The following TK1 variants were observed in gnomAD, a reference collection of about 807,000 sequenced individuals.
The protein encoded by TK1 is thymidine kinase 1.
Under a neutral mutation model 22.4 loss-of-function variants are expected in TK1, and 13 were observed. That is an observed-to-expected ratio of 0.58 (90% CI 0.38 to 0.92). The LOEUF (loss-of-function observed/expected upper bound fraction) is 0.92, where lower values mean the gene tolerates loss of function less well. TK1 is among the 40% of genes least tolerant of loss of function. The pLI is 0.00. For missense variants in TK1, 251 were observed against 315.7 expected, an observed-to-expected ratio of 0.80 and a Z score of 1.55; for synonymous variants, 134 against 125.4, an observed-to-expected ratio of 1.07 and a Z score of -0.46.
At position 78,181,770 on chromosome 17, in the gene TK1, T is replaced by G. The variant is rs115643409; in HGVS notation, c.303+819A>C. Among the ~76,000 whole-genome samples, 910 of 152,170 alleles carry G rather than the reference T, an allele frequency of 6.0e-3. 11 individuals carry two copies. Among genetic ancestry groups the G allele is most frequent in the African/African-American group, 0.021 (854 of 41,524 alleles). ...AACATTACTCCCCACCTCCCCCTTT[T>G]TTTTTTGAGACAGGGTCTGGCCTTG... On this transcript the variant is annotated intron_variant, in intron 4 of 6. Transcript: ENST00000301634.
intron 4 of TK1, chr17:78,179,073 G>A (rs1195514146): frequency 1.1e-5 from 9 of 786,780 alleles, no homozygotes; most frequent in Non-Finnish European, 1.4e-5. Flanking sequence ...TGTCGAGGAA[G>A]GAGAAGGGAA....
chr17:78,186,929 C>A lies in TK1; in HGVS notation c.66G>T (p.Gln22His). 1 of 1,569,126 alleles carries A rather than the reference C, an allele frequency of 6.4e-7. No individual in the cohort carries two copies. The highest frequency in any genetic ancestry group is 8.6e-7 in the Non-Finnish European group (1 of 1,157,420). Residue 22 changes from glutamine to histidine, a missense_variant and splice_region_variant, in exon 1 of 7, where the codon CAG becomes CAT. Coordinates refer to ENST00000301634, the MANE Select transcript of TK1 (RefSeq NM_003258.5). Reference protein sequence around the residue: ...GSPSKTRGQIQVILGPMFSGK... With the variant: ...GSPSKTRGQIHVILGPMFSGK... ...CCACGCGCAGGGCTGGCCCCCGCAC[C>A]TGGATCTGCCCCCGGGTCTTGCTGG...
At chr17:78,182,788 G>C in intron 3 of TK1, 106 bp from the exon 4 acceptor site, 1 of 764,366 alleles carries the variant, frequency 1.3e-6, no homozygotes, top group Non-Finnish European at 1.9e-6. Flanking sequence ...TGCAAAGCAG[G>C]CTCAGTGTTC....
rs903142217 is a variant in TK1, at chr17:78,186,629, G to A, written c.98+158C>T. ...AATTCAAGGGAGGAGCACCCCAGGC[G>A]GGAGCTGTAGGAGGCTGTGCTGGTC... is the stretch of plus-strand genomic sequence containing the variant. On this transcript the variant is annotated intron_variant, in intron 2 of 6. Transcript: ENST00000301634. Among the ~76,000 whole-genome samples, 6 of 149,628 alleles carry A rather than the reference G, an allele frequency of 4.0e-5. No individual in the cohort carries two copies. In the Middle Eastern group the frequency reaches 0.01, roughly 256 times the overall value.
At chr17:78,181,763 C>A (rs1368186993) in intron 4 of TK1, among the ~76,000 whole-genome samples, 1 of 151,948 alleles carries the variant, frequency 6.6e-6, no homozygotes, top group Admixed American at 6.6e-5. Context: ...TCCCCACCTC[C>A]CCCTTTTTTT....
chr17:78,177,097 C>T (rs2075706073), intron 4 of TK1, among the ~76,000 whole-genome samples: 1 of 152,164 alleles, frequency 6.6e-6, no homozygotes, highest in Non-Finnish European at 1.5e-5. Flanking sequence ...GGTTCTTGCA[C>T]CCGGCACTTC....
intron 4 of TK1, among the ~76,000 whole-genome samples, chr17:78,180,208 G>T (rs1253798440): frequency 1.3e-5 from 2 of 152,232 alleles, no homozygotes; most frequent in African/African-American, 4.8e-5. Context: ...ACACCCAGGG[G>T]CTCCGCCACG....
rs112205203 is a variant in TK1 at position 78,179,667 on chromosome 17, A to G, written c.303+2922T>C. Reference sequence around the variant, plus strand: ...GGGACAGGCCCTGTGACGTCCGGGCAGGGTATTCAGGCCAGAGCGGCCTGG... The same window carrying G: ...GGGACAGGCCCTGTGACGTCCGGGCGGGGTATTCAGGCCAGAGCGGCCTGG... On this transcript the variant is annotated intron_variant, in intron 4 of 6. Transcript: ENST00000301634. 67 of 985,462 alleles carry G rather than the reference A, an allele frequency of 6.8e-5. 2 individuals carry two copies. In the African/African-American group the frequency reaches 8.9e-4, roughly 13 times the overall value. 61.0% of individuals were successfully genotyped at this position (985,462 alleles called of 1,614,324 possible).
intron 4 of TK1, among the ~76,000 whole-genome samples, chr17:78,176,792 T>C (rs886727250): frequency 6.6e-6 from 1 of 152,148 alleles, no homozygotes; most frequent in South Asian, 2.1e-4. Flanking sequence ...TCCTGTGCAG[T>C]GTAGGGTGTT....
intron 4 of TK1, among the ~76,000 whole-genome samples, chr17:78,182,371 CA>C (rs560357822): frequency 0.31 from 25,483 of 82,140 alleles, 2,440 homozygotes; most frequent in Non-Finnish European, 0.39. Context: ...AACTCCGTCT[CA>C]AAAAAAAAAA....
intron 3 of TK1, 92 bp from the exon 4 acceptor site, chr17:78,182,774 T>G: frequency 2.2e-6 from 2 of 915,814 alleles, no homozygotes; most frequent in Non-Finnish European, 3.1e-6. Context: ...GACCACCTGC[T>G]ACCTGCAAAG....
intron 5 of TK1, 50 bp from the exon 6 acceptor site, chr17:78,175,219 G>GTTTTTTTTTTTTTTTTTTTTTTT: frequency 6.3e-7 from 1 of 1,574,996 alleles, no homozygotes; most frequent in Non-Finnish European, 8.6e-7. Context: ...TACCAGGTGG[G>GTTTTTTTTTTTTTTTTTTTTTTT]TTTTTCTTTT....
chr17:78,186,129 G>GGGGGC (rs1555602985), intron 2 of TK1, among the ~76,000 whole-genome samples: 3 of 126,106 alleles, frequency 2.4e-5, no homozygotes, highest in African/African-American at 1.1e-4. Context: ...GGGTGGAGGC[G>GGGGGC]GGGGGGTGCA....
intron 2 of TK1, among the ~76,000 whole-genome samples, 199 bp from the exon 3 acceptor site, chr17:78,185,364 A>G (rs1287193119): frequency 6.6e-6 from 1 of 152,122 alleles, no homozygotes; most frequent in Non-Finnish European, 1.5e-5. Flanking sequence ...TCTATGGGGA[A>G]GAGGTCCAGG....
In TK1 at chr17:78,179,444, C is replaced by G. The variant is rs938589332; in HGVS notation, c.303+3145G>C. 5.1e-6 allele frequency: 5 copies of G among 985,338 alleles called. No individual in the cohort carries two copies. In the African/African-American group the frequency reaches 8.7e-5, roughly 17 times the overall value. The allele number at this position is 985,338 out of a possible 1,614,324, so 61.0% of individuals were successfully genotyped here. ...GAAGGTCAGAAACGGAATGGCCATA[C>G]CCAAGCGGGGAGGAGATGCCAGCTG... On this transcript the variant is annotated intron_variant, in intron 4 of 6. Coordinates refer to ENST00000301634, the MANE Select transcript of TK1 (RefSeq NM_003258.5).
At chr17:78,177,979 T>G (rs1337866027) in intron 4 of TK1, among the ~76,000 whole-genome samples, 2 of 152,054 alleles carry the variant, frequency 1.3e-5, no homozygotes, top group East Asian at 3.9e-4. Flanking sequence ...CAAGCAATTC[T>G]TGTGCCTCTG....
intron 4 of TK1, 136 bp from the exon 5 acceptor site, chr17:78,175,754 C>CT (rs2075694719): frequency 2.8e-6 from 2 of 710,838 alleles, no homozygotes; most frequent in Admixed American, 2.8e-5. Flanking sequence ...TCCCACGAGG[C>CT]TCCCCAGGCC....
chr17:78,179,610 C>T (rs960006871), intron 4 of TK1: 1 of 985,330 alleles, frequency 1.0e-6, no homozygotes, highest in East Asian at 1.1e-4. Flanking sequence ...TGGGCAAGAA[C>T]AGAACCAGGA....
intron 4 of TK1, chr17:78,179,160 C>G (rs2075721616): frequency 1.0e-6 from 1 of 985,264 alleles, no homozygotes; most frequent in Admixed American, 6.2e-5. Flanking sequence ...AGCTATTGAA[C>G]AACTCACAGC....
Sources: gnomAD v4.1 joint callset for allele counts (sites outside exome capture counted in the v4.1 genomes callset) on GRCh38, gnomAD v4.1.1 for gene constraint, MANE v1.5 for transcripts, NCBI Gene and HGNC (gene_info 2026-07-23, HGNC 2026-07-21) for gene names.